SUGCT: variants seen among roughly 807,000 people sequenced by gnomAD.
SUGCT encodes succinyl-CoA:glutarate CoA-transferase.
In SUGCT, 41 loss-of-function variants were observed where a neutral mutation model predicts 55.0. That is an observed-to-expected ratio of 0.74 (90% CI 0.58 to 0.97). The LOEUF (loss-of-function observed/expected upper bound fraction) is 0.97, where lower values mean the gene tolerates loss of function less well. SUGCT is among the 50% of genes least tolerant of loss of function. The pLI is 0.00. For synonymous variants in SUGCT, 187 were observed against 200.4 expected, an observed-to-expected ratio of 0.93 and a Z score of 0.56; for missense variants, 568 against 547.8, an observed-to-expected ratio of 1.04 and a Z score of -0.37.
the SUGCT span, among the ~76,000 whole-genome samples, chr7:40,980,596 G>A: frequency 2.6e-5 from 4 of 152,278 alleles, no homozygotes; most frequent in African/African-American, 9.6e-5. Context: ...AAATACAATG[G>A]TGGGACAGGC....
At chr7:40,760,382 A>C (rs1259918832) in intron 13 of SUGCT, among the ~76,000 whole-genome samples, 1 of 152,220 alleles carries the variant, frequency 6.6e-6, no homozygotes, top group Non-Finnish European at 1.5e-5. Context: ...TAAGGTACTT[A>C]GAGTAGTCAA....
At chr7:40,381,205 CT>C (rs1265074940) in intron 9 of SUGCT, among the ~76,000 whole-genome samples, 3 of 151,782 alleles carry the variant, frequency 2.0e-5, no homozygotes, top group African/African-American at 7.3e-5. Context: ...AAGTATTCCC[CT>C]GAATATGGCT....
intron 9 of SUGCT, among the ~76,000 whole-genome samples, chr7:40,415,131 C>T (rs1359366694): frequency 1.4e-5 from 2 of 144,774 alleles, no homozygotes; most frequent in African/African-American, 2.5e-5. Context: ...ATTAGCGGGG[C>T]GTGGTGGCAG....
At chr7:40,990,497 G>A in the SUGCT span, among the ~76,000 whole-genome samples, 1 of 152,164 alleles carries the variant, frequency 6.6e-6, no homozygotes, top group East Asian at 1.9e-4. Context: ...AAGGACTCTA[G>A]TATTTTCCGA....
intron 8 of SUGCT, among the ~76,000 whole-genome samples, chr7:40,290,079 C>A (rs952512965): frequency 3.3e-5 from 5 of 151,940 alleles, no homozygotes; most frequent in African/African-American, 1.2e-4. Flanking sequence ...GGCCATACTG[C>A]CCAAGGTAAT....
At chr7:40,264,151 A>G (rs996544870) in intron 7 of SUGCT, among the ~76,000 whole-genome samples, 1 of 152,188 alleles carries the variant, frequency 6.6e-6, no homozygotes. Flanking sequence ...TGATCTCTAA[A>G]CAACTCGTGT....
At chr7:40,418,104 C>CT (rs1245439045) in intron 9 of SUGCT, among the ~76,000 whole-genome samples, 2 of 151,982 alleles carry the variant, frequency 1.3e-5, no homozygotes, top group Admixed American at 6.6e-5. Flanking sequence ...AGGATAAATT[C>CT]TTTTTTTGTT....
chr7:40,192,232 A>T (rs1785960736), intron 5 of SUGCT, among the ~76,000 whole-genome samples: 1 of 152,138 alleles, frequency 6.6e-6, no homozygotes, highest in African/African-American at 2.4e-5. Context: ...TACACAAGGC[A>T]ATCAGCTGGA....
At chr7:40,921,574 C>G in the SUGCT span, among the ~76,000 whole-genome samples, 47 of 152,336 alleles carry the variant, frequency 3.1e-4, no homozygotes, top group East Asian at 7.9e-3. Context: ...CGAAGAACTC[C>G]TGGAGCTAGG....
chr7:40,216,665 A>G (rs1173110122), intron 6 of SUGCT, among the ~76,000 whole-genome samples: 1 of 152,024 alleles, frequency 6.6e-6, no homozygotes, highest in East Asian at 1.9e-4. Context: ...CAGCCTGGCC[A>G]ACATGGTCAA....
At chr7:40,825,340 A>T (rs1454205073) in intron 13 of SUGCT, among the ~76,000 whole-genome samples, 3 of 152,156 alleles carry the variant, frequency 2.0e-5, no homozygotes, top group South Asian at 4.1e-4. Context: ...AGGGTCCTAC[A>T]TAACAAACAA....
chr7:40,589,734 A>C (rs1299310488), intron 12 of SUGCT, among the ~76,000 whole-genome samples: 1 of 152,230 alleles, frequency 6.6e-6, no homozygotes, highest in Admixed American at 6.5e-5. Context: ...AGTAATGTTA[A>C]TATCTCCATA....
At chr7:40,486,140 T>C (rs1791331639) in intron 11 of SUGCT, among the ~76,000 whole-genome samples, 1 of 152,210 alleles carries the variant, frequency 6.6e-6, no homozygotes, top group Non-Finnish European at 1.5e-5. Flanking sequence ...CATCAGGTCC[T>C]GGGCTCTTCT....
Position 40,856,976 on chromosome 7 carries a change from A to G in SUGCT, c.1154-3340A>G, listed in dbSNP as rs570408603. 2.6e-5 allele frequency among the ~76,000 whole-genome samples: 4 copies of G among 152,294 alleles called. No homozygotes were observed. In the East Asian group the frequency reaches 7.7e-4, roughly 29 times the overall value. ...ACTAATATTGATTGATATCTATATA[A>G]TATTACTCAGTGCCCAAACCACCCT... On this transcript the variant is annotated intron_variant, in intron 13 of 13. Coordinates refer to ENST00000335693, the MANE Select transcript of SUGCT (RefSeq NM_001193313.2).
chr7:40,151,070 A>G (rs1788542575), intron 1 of SUGCT, among the ~76,000 whole-genome samples: 1 of 152,058 alleles, frequency 6.6e-6, no homozygotes, highest in South Asian at 2.1e-4. Flanking sequence ...CCCTGTCTCT[A>G]CTAAAATACA....
At chr7:40,262,586 AC>A (rs1204691701) in intron 7 of SUGCT, among the ~76,000 whole-genome samples, 4 of 151,642 alleles carry the variant, frequency 2.6e-5, no homozygotes, top group Admixed American at 6.6e-5. Context: ...AATGGTGTGA[AC>A]CCTGGAGGTG....
chr7:40,293,343 C>T (rs1194394248), intron 8 of SUGCT, among the ~76,000 whole-genome samples: 1 of 152,114 alleles, frequency 6.6e-6, no homozygotes, highest in Non-Finnish European at 1.5e-5. Flanking sequence ...ACGTTGGCTG[C>T]CCATTGGAAT....
At chr7:40,816,802 G>A (rs1302657236) in intron 13 of SUGCT, among the ~76,000 whole-genome samples, 1 of 152,132 alleles carries the variant, frequency 6.6e-6, no homozygotes, top group East Asian at 1.9e-4. Context: ...AAAGGCCTCT[G>A]TACATATGGA....
At chr7:40,684,985 T>C (rs1181782016) in intron 12 of SUGCT, among the ~76,000 whole-genome samples, 1 of 152,116 alleles carries the variant, frequency 6.6e-6, no homozygotes, top group Non-Finnish European at 1.5e-5. Context: ...CATGTGCCAT[T>C]GTGCCTGGAT....
Sources: allele counts gnomAD v4.1 joint callset (sites outside exome capture counted in the v4.1 genomes callset), GRCh38; gene constraint gnomAD v4.1.1; transcripts MANE v1.5; gene names NCBI Gene and HGNC (gene_info 2026-07-23, HGNC 2026-07-21).